AGRN: variants seen among roughly 807,000 people sequenced by gnomAD.
AGRN encodes agrin proteoglycan.
In AGRN, 106 loss-of-function variants were observed where a neutral mutation model predicts 211.0. That is an observed-to-expected ratio of 0.50 (90% CI 0.43 to 0.59). The LOEUF is 0.59. Ranked by LOEUF, AGRN falls within the 20% of genes least tolerant of loss-of-function variation. The pLI, the probability that AGRN is intolerant of heterozygous loss-of-function variation, is 0.00. For missense variants in AGRN, 3,040 were observed against 2,982.6 expected (o/e 1.02, Z -0.45); for synonymous variants, 1,525 against 1,332.5 (o/e 1.14, Z -3.15).
Position 1,045,888 on chromosome 1 carries a change from C to T in AGRN, c.2680+12C>T, listed in dbSNP as rs926486460. The stretch of plus-strand genomic sequence containing the variant: ...GGGCTGTGAAGCTGGTGAGTGAGGG[C>T]CAGCGCTACCCTGGGGCTTCATGGG... On this transcript the variant is annotated intron_variant, in intron 15 of 35. Transcript: ENST00000379370. The T allele has an allele frequency of 1.9e-6, 3 of 1,610,154 alleles. No individual in the cohort carries two copies. The African/African-American group carries it at 4.0e-5, about 21-fold the overall frequency.
intron 12 of AGRN, 92 bp from the exon 13 acceptor site, chr1:1,045,069 G>C: frequency 1.4e-6 from 2 of 1,390,660 alleles, no homozygotes; most frequent in Non-Finnish European, 1.0e-6. Context: ...CGGCTGAGTG[G>C]TGACAGTGGG....
chr1:1,051,105 C>T, intron 30 of AGRN, 148 bp from the exon 31 acceptor site: 1 of 1,544,864 alleles, frequency 6.5e-7, no homozygotes, highest in Non-Finnish European at 8.7e-7. Flanking sequence ...GTAGCTCCTC[C>T]CCCACTAAGG....
chr1:1,030,222 C>T (rs1315892805), intron 2 of AGRN, among the ~76,000 whole-genome samples: 2 of 11,950 alleles, frequency 1.7e-4, no homozygotes, highest in Non-Finnish European at 2.1e-4. Flanking sequence ...GTGAGATCAG[C>T]GCGTGTGTGT....
intron 27 of AGRN, 32 bp from the exon 28 acceptor site, chr1:1,050,201 C>T: frequency 6.2e-7 from 1 of 1,611,520 alleles, no homozygotes. Flanking sequence ...CCCCGGGGGT[C>T]AGGACTGAGG....
intron 2 of AGRN, among the ~76,000 whole-genome samples, chr1:1,024,858 CT>C (rs1644485154): frequency 1.3e-5 from 2 of 152,342 alleles, no homozygotes; most frequent in South Asian, 4.1e-4. Flanking sequence ...TCTGCGCCAC[CT>C]TTGGGCGGGG....
chr1:1,054,304 C>T (rs147278130), intron 34 of AGRN, 144 bp from the exon 35 acceptor site: 154 of 782,332 alleles, frequency 2.0e-4, no homozygotes, highest in Non-Finnish European at 3.0e-4. Flanking sequence ...TCAAGGCCAC[C>T]TCATCCTTGC....
intron 2 of AGRN, among the ~76,000 whole-genome samples, chr1:1,028,496 G>A (rs918432904): frequency 2.7e-5 from 4 of 146,052 alleles, no homozygotes; most frequent in African/African-American, 4.9e-5. Context: ...CCACACCCAC[G>A]CCACCCTTTC....
chr1:1,050,940 T>C, intron 30 of AGRN, 103 bp downstream of exon 30: 1 of 1,544,554 alleles, frequency 6.5e-7, no homozygotes, highest in Non-Finnish European at 8.8e-7. Flanking sequence ...TTTTCTGTCC[T>C]GTTCTCTTGG....
chr1:1,042,284 C>G, intron 7 of AGRN, 122 bp downstream of exon 7: 1 of 1,260,310 alleles, frequency 7.9e-7, no homozygotes, highest in Non-Finnish European at 1.1e-6. Flanking sequence ...GGGCCGGTCC[C>G]TCTGGGAAGG....
rs777675603 is a variant in AGRN at position 1,049,460 on chromosome 1, CTTGGAGGGTGGTGTGG to C, written c.4514+10_4514+25del. 3 of 1,600,306 alleles carry C rather than the reference CTTGGAGGGTGGTGTGG, an allele frequency of 1.9e-6. No homozygotes were observed. Among genetic ancestry groups the C allele is most frequent in the Non-Finnish European group, 1.7e-6 (2 of 1,179,620 alleles). On this transcript the variant is annotated intron_variant, in intron 25 of 35. Coordinates refer to ENST00000379370, the MANE Select transcript of AGRN (RefSeq NM_198576.4). ...GAGGACCAGGCTGCCGTGTGAGTCC[CTTGGAGGGTGGTGTGG>C]CCCCGACCCCGGCCCTTTGGGGTCC...
Position 1,048,441 on chromosome 1 carries a change from C to T in AGRN, c.4105+76C>T, listed in dbSNP as rs1420933094. ...AGGATTGGGGGTGGGGCTAAGCCAC[C>T]ATCAGGCTTTGAGTTGGGGGCAGGA... On this transcript the variant is annotated intron_variant, in intron 23 of 35. Coordinates refer to ENST00000379370, the MANE Select transcript of AGRN (RefSeq NM_198576.4). This position sits in a 1 kb window ranked among gnomAD's most constrained non-coding sequence, Gnocchi z 5.9. 2 of 1,210,364 alleles carry T rather than the reference C, an allele frequency of 1.7e-6. No individual in the cohort carries two copies. The highest frequency in any genetic ancestry group is 1.5e-5 in the African/African-American group (1 of 64,872). The allele number at this position is 1,210,364 out of a possible 1,614,324, so 75.0% of individuals were successfully genotyped here. A position where few individuals can be genotyped will look rare whatever the true frequency, so the allele number is the denominator to read the frequency against.
chr1:1,041,523 TGA>T lies in AGRN; in HGVS notation c.999_1000del (p.Asn334ProfsTer7), dbSNP rs1302020747. The T allele has an allele frequency of 1.2e-6, 2 of 1,602,752 alleles. No homozygotes were observed. Among genetic ancestry groups the T allele is most frequent in the Non-Finnish European group, 8.5e-7 (1 of 1,178,868 alleles). ...CCTGACCCGAGCCGCAGCTGCCGTG[TGA>T]ACCCGCGCACGCGGCGCCCTGAGAT... On this transcript the variant is annotated frameshift_variant, in exon 6 of 36. Coordinates refer to ENST00000379370, the MANE Select transcript of AGRN (RefSeq NM_198576.4). LOFTEE classifies it high-confidence loss of function.
intron 2 of AGRN, among the ~76,000 whole-genome samples, chr1:1,025,992 G>A (rs114663692): frequency 0.017 from 2,531 of 152,234 alleles, 46 homozygotes; most frequent in African/African-American, 0.044. Flanking sequence ...CCTGGGGGGG[G>A]GCTTTGCTGG....
At chr1:1,049,115 C>T (rs368088288) in intron 24 of AGRN, 56 bp downstream of exon 24, 45 of 83,200 alleles carry the variant, frequency 5.4e-4, no homozygotes, top group South Asian at 4.1e-4. Context: ...AGGGGACGGG[C>T]GGGGGAGGGG....
intron 33 of AGRN, chr1:1,053,367 G>GT (rs976731679): frequency 1.7e-6 from 2 of 1,149,744 alleles, no homozygotes; most frequent in African/African-American, 3.2e-5. Context: ...TCTTCTGTGG[G>GT]TGCCTGCTCC....
intron 2 of AGRN, chr1:1,034,674 G>C (rs1171988021): frequency 1.0e-6 from 1 of 989,534 alleles, no homozygotes; most frequent in East Asian, 1.1e-4. Flanking sequence ...GCCACGCTCG[G>C]CTTCGCGGTG....
intron 2 of AGRN, among the ~76,000 whole-genome samples, chr1:1,033,002 G>A (rs1036274616): frequency 3.9e-5 from 6 of 152,184 alleles, no homozygotes; most frequent in Middle Eastern, 3.4e-3. Context: ...GCGGGTGTGG[G>A]GACGCCGGAC....
At chr1:1,034,607 C>A in intron 2 of AGRN, 1 of 986,572 alleles carries the variant, frequency 1.0e-6, no homozygotes, top group Admixed American at 6.1e-5. Flanking sequence ...TGGCGCCTCC[C>A]TGCTGGTGCG....
rs1482093528 is a variant in AGRN at position 1,045,143 on chromosome 1, C to G, written c.2255-18C>G. 6.2e-7 allele frequency: 1 copy of G among 1,609,884 alleles called. No homozygotes were observed. Among genetic ancestry groups the G allele is most frequent in the East Asian group, 2.2e-5 (1 of 44,856 alleles). On this transcript the variant is annotated intron_variant, in intron 12 of 35. Coordinates refer to ENST00000379370, the MANE Select transcript of AGRN (RefSeq NM_198576.4). Reference sequence around the variant, plus strand: ...TCCAGCACTGCATGAAATCTGAGTCCCGTACCCTTTCCTGCAGGCCCCACC... The same window carrying G: ...TCCAGCACTGCATGAAATCTGAGTCGCGTACCCTTTCCTGCAGGCCCCACC...
Sources: allele counts gnomAD v4.1 joint callset (sites outside exome capture counted in the v4.1 genomes callset), GRCh38; gene constraint gnomAD v4.1.1; non-coding constraint Gnocchi (gnomAD v3.1); transcripts MANE v1.5; gene names NCBI Gene and HGNC (gene_info 2026-07-23, HGNC 2026-07-21).